Variants in METTL16 observed in about 807,000 individuals in gnomAD.
METTL16 encodes methyltransferase 16, RNA N6-adenosine.
Under a neutral mutation model 57.9 loss-of-function variants are expected in METTL16, and 19 were observed. The ratio of observed to expected loss-of-function variants is 0.33; its 90% CI spans 0.23 to 0.48. The LOEUF (loss-of-function observed/expected upper bound fraction) is 0.48. METTL16 is among the 20% of genes least tolerant of loss of function. METTL16 has a pLI of 0.99. For missense variants in METTL16, 434 were observed against 691.5 expected, an observed-to-expected ratio of 0.63 and a Z score of 4.18; for synonymous variants, 246 against 255.6, an observed-to-expected ratio of 0.96 and a Z score of 0.36.
At chr17:2,442,107 G>T (rs2066957137) in intron 6 of METTL16, among the ~76,000 whole-genome samples, 1 of 152,188 alleles carries the variant, frequency 6.6e-6, no homozygotes, top group African/African-American at 2.4e-5. Context: ...AAAAGGTAAA[G>T]GGATAGAATA....
At chr17:2,502,157 CAT>C (rs1289544030) in intron 2 of METTL16, 45 bp downstream of exon 2, 1 of 1,591,692 alleles carries the variant, frequency 6.3e-7, no homozygotes, top group Non-Finnish European at 8.6e-7. Context: ...ACATCATATC[CAT>C]TTGAATCACA....
chr17:2,486,755 T>A (rs1391205706), intron 2 of METTL16, among the ~76,000 whole-genome samples: 1 of 151,944 alleles, frequency 6.6e-6, no homozygotes, highest in East Asian at 1.9e-4. Flanking sequence ...GGTGGATGGC[T>A]TGAGTCCAGG....
chr17:2,510,200 T>C (rs1273567166), intron 1 of METTL16, among the ~76,000 whole-genome samples: 1 of 152,190 alleles, frequency 6.6e-6, no homozygotes, highest in Non-Finnish European at 1.5e-5. Flanking sequence ...ACATGTGACA[T>C]TTATGCGGTA....
intron 8 of METTL16, among the ~76,000 whole-genome samples, chr17:2,435,021 G>C (rs372670508): frequency 1.3e-5 from 2 of 152,216 alleles, no homozygotes; most frequent in Non-Finnish European, 2.9e-5. Context: ...GAACAAAGAG[G>C]TAAGTGGCTT....
chr17:2,429,603 T>A (rs1310013940), intron 8 of METTL16, among the ~76,000 whole-genome samples: 1 of 151,782 alleles, frequency 6.6e-6, no homozygotes, highest in Non-Finnish European at 1.5e-5. Context: ...AAGGGACGAA[T>A]AGAATTGGAA....
chr17:2,486,647 A>C (rs1242954689), intron 2 of METTL16, among the ~76,000 whole-genome samples: 1 of 152,054 alleles, frequency 6.6e-6, no homozygotes, highest in Non-Finnish European at 1.5e-5. Context: ...CAAAGGCTCT[A>C]ATTAGGAAGC....
At chr17:2,499,948 T>A (rs2067475408) in intron 2 of METTL16, among the ~76,000 whole-genome samples, 2 of 152,128 alleles carry the variant, frequency 1.3e-5, no homozygotes, top group African/African-American at 4.8e-5. Context: ...GAGACAGGGT[T>A]TTGCTTTGTT....
chr17:2,510,614 G>T (rs1567910706), intron 1 of METTL16, among the ~76,000 whole-genome samples: 1 of 152,082 alleles, frequency 6.6e-6, no homozygotes, highest in Non-Finnish European at 1.5e-5. Flanking sequence ...TAGGCAATGA[G>T]TTCTTAGCTA....
chr17:2,453,053 T>G (rs2067082509), intron 6 of METTL16, among the ~76,000 whole-genome samples: 2 of 152,038 alleles, frequency 1.3e-5, no homozygotes, highest in Admixed American at 1.3e-4. Context: ...AGAGACAGGG[T>G]TTCACTGTGT....
chr17:2,446,354 A>C (rs1197206399), intron 6 of METTL16, among the ~76,000 whole-genome samples: 1 of 152,242 alleles, frequency 6.6e-6, no homozygotes, highest in Non-Finnish European at 1.5e-5. Context: ...GAAAGAAGTA[A>C]AACTGCCTTT....
intron 8 of METTL16, among the ~76,000 whole-genome samples, chr17:2,434,513 C>T (rs1319219674): frequency 1.3e-5 from 2 of 152,158 alleles, no homozygotes; most frequent in Non-Finnish European, 2.9e-5. Context: ...ACGGCCAGCC[C>T]AAACCATTTC....
At chr17:2,495,459 G>A (rs2067436573) in intron 2 of METTL16, among the ~76,000 whole-genome samples, 1 of 152,058 alleles carries the variant, frequency 6.6e-6, no homozygotes, top group South Asian at 2.1e-4. Flanking sequence ...CACTTTGAGA[G>A]GCCAAGGTGG....
chr17:2,495,565 C>T (rs575961519), intron 2 of METTL16, among the ~76,000 whole-genome samples: 5 of 150,288 alleles, frequency 3.3e-5, no homozygotes, highest in Non-Finnish European at 5.9e-5. Context: ...TGTGGTTGTG[C>T]GCACCTGTAA....
chr17:2,477,521 A>C (rs2067276694), intron 3 of METTL16, 165 bp downstream of exon 3: 1 of 615,226 alleles, frequency 1.6e-6, no homozygotes. Context: ...CAAAGGTTGC[A>C]GATTTTGAAG....
At position 2,432,645 on chromosome 17, in the gene METTL16, C is replaced by CA. The variant is rs558898193; in HGVS notation, c.888+5463dup. ...GTCATCGCCAAGGTCTGAGTTTTCA[C>CA]AAAAAAAAAACTTGCAACTTCCGGC... On this transcript the variant is annotated intron_variant, in intron 8 of 9. Coordinates refer to ENST00000263092, the MANE Select transcript of METTL16 (RefSeq NM_024086.4). Among the ~76,000 whole-genome samples the CA allele has an allele frequency of 3.3e-3, 483 of 147,244 alleles. 3 individuals are homozygous for CA. The highest frequency in any genetic ancestry group is 9.2e-3 in the South Asian group (43 of 4,660).
rs567662122 is a variant in METTL16 at position 2,482,505 on chromosome 17, GACAGGAA to G, written c.129-4627_129-4621del. On this transcript the variant is annotated intron_variant, in intron 2 of 9. Transcript: ENST00000263092. ...CAACATACACATAATCAAAATTCGG[GACAGGAA>G]ACAGGAAATGGAGAGGGAGTGCCTC... 1.5e-3 allele frequency among the ~76,000 whole-genome samples: 225 copies of G among 152,302 alleles called. 1 individual carries two copies. Among genetic ancestry groups the G allele is most frequent in the Non-Finnish European group, 5.4e-4 (37 of 68,022 alleles).
chr17:2,482,626 G>A (rs1381167926), intron 2 of METTL16, among the ~76,000 whole-genome samples: 1 of 152,206 alleles, frequency 6.6e-6, no homozygotes, highest in Non-Finnish European at 1.5e-5. Flanking sequence ...AGATAAACTG[G>A]CTGGGCCCAA....
Position 2,467,754 on chromosome 17 carries a change from A to G in METTL16, c.585+7T>C, listed in dbSNP as rs771654443. 6.8e-6 allele frequency: 11 copies of G among 1,607,768 alleles called. No homozygotes were observed. The Admixed American group carries it at 1.8e-4, about 27-fold the overall frequency. On this transcript the variant is annotated splice_region_variant and intron_variant, in intron 5 of 9. Coordinates refer to ENST00000263092, the MANE Select transcript of METTL16 (RefSeq NM_024086.4). ...ATTCAATTATTTTAAAGCAGAAGACATTTTACCTTGGCTTCCAATTGATTG... is the reference window on the plus strand; with the variant it reads ...ATTCAATTATTTTAAAGCAGAAGACGTTTTACCTTGGCTTCCAATTGATTG...
At chr17:2,430,412 C>CTTTT (rs903960118) in intron 8 of METTL16, among the ~76,000 whole-genome samples, 17 of 118,498 alleles carry the variant, frequency 1.4e-4, no homozygotes, top group South Asian at 5.5e-4. Flanking sequence ...TTAGAATTCT[C>CTTTT]TTTTTTTTTT....
Sources: gnomAD v4.1 joint callset for allele counts (sites outside exome capture counted in the v4.1 genomes callset) on GRCh38, gnomAD v4.1.1 for gene constraint, MANE v1.5 for transcripts, NCBI Gene and HGNC (gene_info 2026-07-23, HGNC 2026-07-21) for gene names.